The following CRPPA variants were observed in gnomAD, a reference collection of about 807,000 sequenced individuals.
The protein encoded by CRPPA is D-ribitol-5-phosphate cytidylyltransferase.
In CRPPA, 43 loss-of-function variants were observed where a neutral mutation model predicts 52.0. The ratio of observed to expected loss-of-function variants is 0.83; its 90% confidence interval spans 0.65 to 1.07. The LOEUF (loss-of-function observed/expected upper bound fraction) is 1.07. Ranked by LOEUF, CRPPA falls within the 50% of genes least tolerant of loss-of-function variation. The pLI, the probability that CRPPA is intolerant of heterozygous loss-of-function variation, is 0.00. For missense variants in CRPPA, 629 were observed against 551.7 expected (o/e 1.14, Z -1.40); for synonymous variants, 250 against 203.5 (o/e 1.23, Z -1.94).
intron 9 of CRPPA, among the ~76,000 whole-genome samples, chr7:16,147,268 C>T (rs1187785634): frequency 1.3e-5 from 2 of 152,022 alleles, no homozygotes; most frequent in African/African-American, 2.4e-5. Context: ...GGACTAATAC[C>T]CTCACCTTAC....
chr7:16,252,112 T>A (rs1356041112), intron 8 of CRPPA, among the ~76,000 whole-genome samples: 1 of 152,084 alleles, frequency 6.6e-6, no homozygotes, highest in East Asian at 1.9e-4. Flanking sequence ...AAGAAAATTT[T>A]AAGCCAATAT....
At chr7:16,156,824 T>C (rs920764784) in intron 9 of CRPPA, among the ~76,000 whole-genome samples, 2 of 152,126 alleles carry the variant, frequency 1.3e-5, no homozygotes, top group East Asian at 3.9e-4. Context: ...GAAAAGTATT[T>C]GCATTAGTAG....
At chr7:16,381,115 CT>C (rs1397569240) in intron 2 of CRPPA, among the ~76,000 whole-genome samples, 5 of 151,920 alleles carry the variant, frequency 3.3e-5, no homozygotes, top group African/African-American at 1.2e-4. Context: ...CCTGCTTTCT[CT>C]TGTGGGCATT....
Position 16,421,256 on chromosome 7 carries a change from C to A in CRPPA, c.67G>T (p.Gly23Cys), listed in dbSNP as rs187484645. 5.8e-4 allele frequency: 763 copies of A among 1,314,636 alleles called. 4 individuals carry two copies. In the African/African-American group the frequency reaches 0.01, roughly 17 times the overall value. 81.4% of individuals were successfully genotyped at this position (1,314,636 alleles called of 1,614,324 possible). The change falls in exon 1 of 10, where the codon GGC becomes TGC. Residue 23 changes from glycine (G) to cysteine (C), a missense_variant. Coordinates refer to ENST00000407010, the MANE Select transcript of CRPPA (RefSeq NM_001101426.4). ...GAGGCGGAAGCCGTGTGGTCCGCGCCGCGCTGACCACTCAGGCAAGGACCC... is the reference window on the plus strand; with the variant it reads ...GAGGCGGAAGCCGTGTGGTCCGCGCAGCGCTGACCACTCAGGCAAGGACCC... ...EPGPCLSGQR[G>C]ADHTASASLQ...
chr7:16,251,466 C>A (rs1343119027), intron 8 of CRPPA, among the ~76,000 whole-genome samples: 2 of 152,074 alleles, frequency 1.3e-5, no homozygotes, highest in South Asian at 4.1e-4. Flanking sequence ...AAATTGACCA[C>A]ATAATTGGAA....
intron 9 of CRPPA, among the ~76,000 whole-genome samples, chr7:16,093,710 T>C (rs1257519054): frequency 6.6e-6 from 1 of 152,188 alleles, no homozygotes; most frequent in Non-Finnish European, 1.5e-5. Flanking sequence ...ATATGATTGA[T>C]TTATATGAGA....
At chr7:16,197,414 T>A (rs1781762877) in intron 9 of CRPPA, among the ~76,000 whole-genome samples, 1 of 152,144 alleles carries the variant, frequency 6.6e-6, no homozygotes, top group Non-Finnish European at 1.5e-5. Flanking sequence ...CATGGCTTAC[T>A]GCAGCCTCAG....
chr7:16,309,279 A>G (rs1246832685), intron 3 of CRPPA, among the ~76,000 whole-genome samples: 1 of 152,190 alleles, frequency 6.6e-6, no homozygotes, highest in Non-Finnish European at 1.5e-5. Flanking sequence ...CAGGGTACCT[A>G]TCCTGTCTCC....
At chr7:16,383,499 T>C (rs1017826730) in intron 2 of CRPPA, among the ~76,000 whole-genome samples, 10 of 152,218 alleles carry the variant, frequency 6.6e-5, no homozygotes, top group African/African-American at 2.4e-4. Flanking sequence ...AGCTGTGTGC[T>C]GGGAGAACCA....
intron 2 of CRPPA, among the ~76,000 whole-genome samples, chr7:16,394,941 T>C (rs1450528407): frequency 2.0e-5 from 3 of 152,234 alleles, no homozygotes; most frequent in African/African-American, 7.2e-5. Context: ...ATTCCACAGC[T>C]GTCTTTATGT....
At chr7:16,375,107 A>G (rs1288975505) in intron 3 of CRPPA, among the ~76,000 whole-genome samples, 1 of 152,190 alleles carries the variant, frequency 6.6e-6, no homozygotes, top group Admixed American at 6.5e-5. Context: ...TCTATAACCT[A>G]AAACTGCACA....
intron 1 of CRPPA, among the ~76,000 whole-genome samples, chr7:16,419,138 G>C (rs1204148379): frequency 2.0e-5 from 3 of 152,180 alleles, no homozygotes; most frequent in Non-Finnish European, 2.9e-5. Context: ...TTAGCAACTG[G>C]AATCATTTCA....
rs78763312 is a variant in CRPPA at position 16,205,904 on chromosome 7, GA to G, written c.1251+10161del. Among the ~76,000 whole-genome samples, 3,603 of 152,068 alleles carry G rather than the reference GA, an allele frequency of 0.024. 250 individuals carry two copies. In the East Asian group the frequency reaches 0.3, roughly 12 times the overall value. On this transcript the variant is annotated intron_variant, in intron 9 of 9. Coordinates refer to ENST00000407010, the MANE Select transcript of CRPPA (RefSeq NM_001101426.4). ...AAAGGGATAAGAGAATTAAGGTGGT[GA>G]ATATGGCACAATTAAATGTAAATCT... is the stretch of plus-strand genomic sequence containing the variant.
chr7:16,369,939 T>TG (rs1786705255), intron 3 of CRPPA, among the ~76,000 whole-genome samples: 2 of 152,162 alleles, frequency 1.3e-5, no homozygotes, highest in African/African-American at 4.8e-5. Flanking sequence ...ACATCCCCAC[T>TG]GGGGAATCTG....
chr7:16,262,275 T>C (rs1020323678), intron 6 of CRPPA, among the ~76,000 whole-genome samples: 2 of 152,202 alleles, frequency 1.3e-5, no homozygotes, highest in Non-Finnish European at 2.9e-5. Context: ...ACACCTACTC[T>C]ACTTTAGCTA....
intron 2 of CRPPA, among the ~76,000 whole-genome samples, chr7:16,397,285 TTG>T (rs1787617471): frequency 6.6e-6 from 1 of 151,972 alleles, no homozygotes; most frequent in African/African-American, 2.4e-5. Flanking sequence ...GGTGACACAA[TTG>T]TGACAAGTCA....
At chr7:16,182,268 T>G (rs534668921) in intron 9 of CRPPA, among the ~76,000 whole-genome samples, 1 of 151,908 alleles carries the variant, frequency 6.6e-6, no homozygotes, top group Non-Finnish European at 1.5e-5. Flanking sequence ...AGTAATAATT[T>G]TACTAATAAT....
chr7:16,124,302 AT>A (rs1053184788), intron 9 of CRPPA, among the ~76,000 whole-genome samples: 11 of 151,716 alleles, frequency 7.3e-5, no homozygotes, highest in Non-Finnish European at 1.2e-4. Flanking sequence ...AAGTTTGCAC[AT>A]TTTTCCATGT....
At chr7:16,352,690 G>A (rs1786187038) in intron 3 of CRPPA, among the ~76,000 whole-genome samples, 1 of 152,108 alleles carries the variant, frequency 6.6e-6, no homozygotes, top group Admixed American at 6.5e-5. Flanking sequence ...AAAACAGTAT[G>A]AAGTTTCCTC....
Sources: allele counts gnomAD v4.1 joint callset (sites outside exome capture counted in the v4.1 genomes callset), GRCh38; gene constraint gnomAD v4.1.1; transcripts MANE v1.5; gene names NCBI Gene and HGNC (gene_info 2026-07-23, HGNC 2026-07-21).